Variants in HGF observed in about 807,000 individuals in gnomAD.
HGF encodes fibroblast-derived tumor cytotoxic factor.
Under a neutral mutation model 111.6 loss-of-function variants are expected in HGF, and 39 were observed. The observed-to-expected ratio is 0.35, with a 90% confidence interval of 0.27 to 0.46. The LOEUF is 0.46. Ranked by LOEUF, HGF falls within the 20% of genes least tolerant of loss-of-function variation. The pLI, the probability that HGF is intolerant of heterozygous loss-of-function variation, is 1.00. For missense variants in HGF, 735 were observed against 910.5 expected (o/e 0.81, Z 2.48); for synonymous variants, 285 against 294.8 (o/e 0.97, Z 0.34).
In HGF at chr7:81,753,318, ACAGGTAATAC is replaced by A. The variant is rs201119641; in HGVS notation, c.483-1066_483-1057del. On this transcript the variant is annotated intron_variant, in intron 4 of 17. Coordinates refer to ENST00000222390, the MANE Select transcript of HGF (RefSeq NM_000601.6). ...AGATCATAATAAAGAATATACATCTACAGGTAATACCAGTAAACATTTCTTTGAAAATCCA... is the reference window on the plus strand; with the variant it reads ...AGATCATAATAAAGAATATACATCTACAGTAAACATTTCTTTGAAAATCCA... Among the ~76,000 whole-genome samples the A allele has an allele frequency of 5.8e-3, 885 of 152,216 alleles. 11 individuals are homozygous for A. The highest frequency in any genetic ancestry group is 0.028 in the South Asian group (133 of 4,830).
At chr7:81,713,295 G>A (rs1789620407) in intron 11 of HGF, among the ~76,000 whole-genome samples, 1 of 152,108 alleles carries the variant, frequency 6.6e-6, no homozygotes. Flanking sequence ...GGGAGGCCGA[G>A]GCGGATGGAT....
At chr7:81,740,242 TC>T (rs757604338) in intron 7 of HGF, among the ~76,000 whole-genome samples, 5 of 152,238 alleles carry the variant, frequency 3.3e-5, no homozygotes, top group Non-Finnish European at 7.3e-5. Flanking sequence ...TTATCTTTAT[TC>T]TTTGTTTTGG....
intron 1 of HGF, among the ~76,000 whole-genome samples, chr7:81,765,335 G>A (rs1192986105): frequency 6.6e-6 from 1 of 152,100 alleles, no homozygotes; most frequent in Non-Finnish European, 1.5e-5. Context: ...ACTGAAATGT[G>A]TTAATGTTTT....
chr7:81,753,823 C>T (rs995592024), intron 4 of HGF, among the ~76,000 whole-genome samples: 4 of 151,886 alleles, frequency 2.6e-5, no homozygotes, highest in Non-Finnish European at 5.9e-5. Context: ...GGTTGTCAGA[C>T]CGTATGACTG....
intron 7 of HGF, among the ~76,000 whole-genome samples, chr7:81,742,098 G>T (rs1448219965): frequency 2.6e-5 from 4 of 152,114 alleles, no homozygotes; most frequent in African/African-American, 9.7e-5. Context: ...CCCAATCTAT[G>T]CAGAGAAACA....
At chr7:81,756,262 T>C (rs1788765108) in intron 4 of HGF, 1 of 545,184 alleles carries the variant, frequency 1.8e-6, no homozygotes, top group African/African-American at 1.9e-5. Flanking sequence ...ATAGAACCAA[T>C]AAAACTACCC....
chr7:81,747,796 G>A (rs907926725), intron 5 of HGF, among the ~76,000 whole-genome samples: 51 of 152,134 alleles, frequency 3.4e-4, no homozygotes, highest in African/African-American at 1.2e-3. Flanking sequence ...CCTTGGGTCT[G>A]GTGGTGCGTG....
chr7:81,712,123 C>T (rs1789587284), intron 11 of HGF, among the ~76,000 whole-genome samples: 1 of 151,982 alleles, frequency 6.6e-6, no homozygotes, highest in Admixed American at 6.6e-5. Context: ...GATCATTGGC[C>T]ATTTGAATTA....
chr7:81,732,875 G>A (rs1156413555), intron 7 of HGF, among the ~76,000 whole-genome samples: 2 of 152,086 alleles, frequency 1.3e-5, no homozygotes, highest in African/African-American at 2.4e-5. Flanking sequence ...TCAAAGAAAC[G>A]CCTACTTGCT....
At chr7:81,720,873 G>C in intron 9 of HGF, 26 bp from the exon 10 acceptor site, 1 of 1,187,480 alleles carries the variant, frequency 8.4e-7, no homozygotes, top group Non-Finnish European at 1.3e-6. Context: ...ACAGAAATAA[G>C]TCCAATGAAT....
chr7:81,739,576 G>A (rs893786835), intron 7 of HGF, among the ~76,000 whole-genome samples: 1 of 151,992 alleles, frequency 6.6e-6, no homozygotes. Flanking sequence ...TAAACCCCAG[G>A]GCAATGAGCT....
At chr7:81,715,625 A>G (rs1194481531) in intron 11 of HGF, among the ~76,000 whole-genome samples, 1 of 152,118 alleles carries the variant, frequency 6.6e-6, no homozygotes, top group Non-Finnish European at 1.5e-5. Flanking sequence ...AGTCTTAATT[A>G]TAGGTAGACT....
chr7:81,729,854 T>C, intron 7 of HGF, 75 bp from the exon 8 acceptor site: 9 of 1,402,000 alleles, frequency 6.4e-6, no homozygotes, highest in East Asian at 2.3e-5. Context: ...TTAGAGTTCA[T>C]TGGCATTTGT....
intron 3 of HGF, among the ~76,000 whole-genome samples, 173 bp downstream of exon 3, chr7:81,758,519 C>G (rs993874089): frequency 6.6e-6 from 1 of 151,876 alleles, no homozygotes; most frequent in Non-Finnish European, 1.5e-5. Context: ...AAGTACCATA[C>G]TAAAAATAGT....
rs1244460754 is a variant in HGF at position 81,710,262 on chromosome 7, T to C, written c.1445-19A>G. 4 of 1,521,008 alleles carry C rather than the reference T, an allele frequency of 2.6e-6. No individual in the cohort carries two copies. In the South Asian group the frequency reaches 4.5e-5, roughly 17 times the overall value. The allele number at this position is 1,521,008 out of a possible 1,614,324, so 94.2% of individuals were successfully genotyped here. A position where few individuals can be genotyped will look rare whatever the true frequency, so the allele number is the denominator to read the frequency against. Reference sequence around the variant, plus strand: ...ACGGGATCTGAAACAGGACCAAACATAACATTTTTTAAAATAAGAATTTGA... The same window carrying C: ...ACGGGATCTGAAACAGGACCAAACACAACATTTTTTAAAATAAGAATTTGA... On this transcript the variant is annotated intron_variant, in intron 12 of 17. Coordinates refer to ENST00000222390, the MANE Select transcript of HGF (RefSeq NM_000601.6).
chr7:81,704,365 G>A (rs891161522), intron 17 of HGF, among the ~76,000 whole-genome samples: 10 of 151,414 alleles, frequency 6.6e-5, no homozygotes, highest in African/African-American at 1.2e-4. Context: ...TGTGTTTCCC[G>A]GATGCTTATT....
chr7:81,737,526 A>G (rs1245729173), intron 7 of HGF, among the ~76,000 whole-genome samples: 1 of 152,078 alleles, frequency 6.6e-6, no homozygotes, highest in African/African-American at 2.4e-5. Context: ...TTAAGACATC[A>G]TTTGTTCTTT....
intron 5 of HGF, among the ~76,000 whole-genome samples, chr7:81,746,683 G>A (rs374162953): frequency 4.6e-5 from 7 of 152,110 alleles, no homozygotes; most frequent in African/African-American, 1.4e-4. Context: ...AGCAAATGCA[G>A]CTTGTGATAG....
chr7:81,756,145 G>T, intron 4 of HGF: 1 of 664,574 alleles, frequency 1.5e-6, no homozygotes, highest in Admixed American at 2.3e-5. Context: ...GCAGGTTATA[G>T]AGTGATGGTG....
Sources: gnomAD v4.1 joint callset for allele counts (sites outside exome capture counted in the v4.1 genomes callset) on GRCh38, gnomAD v4.1.1 for gene constraint, MANE v1.5 for transcripts, NCBI Gene and HGNC (gene_info 2026-07-23, HGNC 2026-07-21) for gene names.